MALL: variants seen among roughly 807,000 people sequenced by gnomAD.
MALL encodes mal, T cell differentiation protein like, also known as MAL-like protein.
In MALL, 2 loss-of-function variants were observed where a neutral mutation model predicts 10.3. The observed-to-expected ratio is 0.19, with a 90% CI of 0.08 to 0.61. MALL has a LOEUF of 0.61. Among genes scored for constraint, MALL ranks in the 20% least tolerant of loss-of-function variants. The pLI is 0.88. For synonymous variants in MALL, 27 were observed against 51.8 expected (o/e 0.52, Z 2.05); for missense variants, 39 against 115.2 (o/e 0.34, Z 3.03).
intron 1 of MALL, among the ~76,000 whole-genome samples, chr2:110,108,193 A>T (rs1678733305): frequency 6.6e-6 from 1 of 152,188 alleles, no homozygotes; most frequent in Non-Finnish European, 1.5e-5. Flanking sequence ...GAAATCCCTG[A>T]TTCACCTGAA....
rs113150433 is a variant in MALL at position 110,100,477 on chromosome 2, C to G, written c.106-8707G>C. ...GACAGAGCAAGACTCTGTCCCCCAC[C>G]CTAAAAAAAAAAAACTTAAGCAGAC... On this transcript the variant is annotated intron_variant, in intron 1 of 3. Coordinates refer to ENST00000272462, the MANE Select transcript of MALL (RefSeq NM_005434.5). 3.1e-4 allele frequency among the ~76,000 whole-genome samples: 47 copies of G among 150,732 alleles called. No homozygotes were observed. In the East Asian group the frequency reaches 7.8e-3, roughly 25 times the overall value.
At chr2:110,098,869 G>T (rs1162361503) in intron 1 of MALL, among the ~76,000 whole-genome samples, 1 of 152,098 alleles carries the variant, frequency 6.6e-6, no homozygotes, top group African/African-American at 2.4e-5. Flanking sequence ...AGACACGGTG[G>T]CACATGCCTG....
chr2:110,095,828 A>T (rs1416246701), intron 1 of MALL, among the ~76,000 whole-genome samples: 3 of 152,048 alleles, frequency 2.0e-5, no homozygotes, highest in Non-Finnish European at 4.4e-5. Context: ...TAGTGAGAAA[A>T]TTTCCAAAGG....
At chr2:110,114,380 G>A (rs1678865689) in intron 1 of MALL, among the ~76,000 whole-genome samples, 1 of 151,988 alleles carries the variant, frequency 6.6e-6, no homozygotes, top group South Asian at 2.1e-4. Context: ...GGGGCTTGCA[G>A]GACTGACATG....
intron 1 of MALL, among the ~76,000 whole-genome samples, chr2:110,103,706 A>C (rs1166576633): frequency 6.6e-6 from 1 of 152,178 alleles, no homozygotes; most frequent in Non-Finnish European, 1.5e-5. Flanking sequence ...GCAGCCGTCA[A>C]GTCTGTGGAC....
chr2:110,115,535 TC>T (rs3217463), intron 1 of MALL, among the ~76,000 whole-genome samples, 152 bp downstream of exon 1: 58 of 80,050 alleles, frequency 7.2e-4, no homozygotes, highest in African/African-American at 1.6e-3. Flanking sequence ...GAGGCCGGTC[TC>T]CCCCCCCCTC....
chr2:110,115,841 C>T (rs773562784), upstream of MALL: 306 of 864,126 alleles, frequency 3.5e-4, 1 homozygote, highest in Non-Finnish European at 4.5e-4. Flanking sequence ...CGCGCGCAGC[C>T]TGTCAAATAT....
intron 1 of MALL, among the ~76,000 whole-genome samples, chr2:110,115,434 G>A (rs1382597520): frequency 6.7e-6 from 1 of 149,688 alleles, no homozygotes; most frequent in Non-Finnish European, 1.5e-5. Flanking sequence ...CTGTGCGCCC[G>A]GTGGGAGGCT....
At chr2:110,101,408 GA>G in intron 1 of MALL, among the ~76,000 whole-genome samples, 1 of 152,236 alleles carries the variant, frequency 6.6e-6, no homozygotes, top group Non-Finnish European at 1.5e-5. Flanking sequence ...AGGCTAGCAG[GA>G]AATTGCCAGC....
intron 1 of MALL, among the ~76,000 whole-genome samples, chr2:110,111,294 C>T (rs995608114): frequency 1.2e-4 from 19 of 152,058 alleles, no homozygotes; most frequent in Admixed American, 3.9e-4. Flanking sequence ...TGTTTGCTGA[C>T]GATATGATCG....
At chr2:110,096,227 C>T (rs1019152500) in intron 1 of MALL, among the ~76,000 whole-genome samples, 1 of 152,046 alleles carries the variant, frequency 6.6e-6, no homozygotes, top group African/African-American at 2.4e-5. Flanking sequence ...TGCGTTGTTC[C>T]CCAGGTGGGG....
intron 1 of MALL, among the ~76,000 whole-genome samples, chr2:110,101,844 A>T (rs905213823): frequency 6.6e-6 from 1 of 152,088 alleles, no homozygotes; most frequent in African/African-American, 2.4e-5. Flanking sequence ...TTAAAAAAAA[A>T]GGAAGAGGAC....
At chr2:110,107,239 A>G (rs1360276047) in intron 1 of MALL, among the ~76,000 whole-genome samples, 1 of 152,098 alleles carries the variant, frequency 6.6e-6, no homozygotes, top group Admixed American at 6.5e-5. Flanking sequence ...ATACTGTACT[A>G]CTGTTAGGAA....
chr2:110,105,227 G>A (rs988088034), intron 1 of MALL, among the ~76,000 whole-genome samples: 1 of 152,218 alleles, frequency 6.6e-6, no homozygotes, highest in Non-Finnish European at 1.5e-5. Context: ...AATACACAGT[G>A]CCCTCCCAGA....
chr2:110,112,028 A>C (rs1403345981), intron 1 of MALL, among the ~76,000 whole-genome samples: 1 of 152,192 alleles, frequency 6.6e-6, no homozygotes, highest in Admixed American at 6.5e-5. Flanking sequence ...TTGGCTACCC[A>C]CATGTAGGGG....
intron 1 of MALL, among the ~76,000 whole-genome samples, chr2:110,107,679 C>A (rs375198852): frequency 3.3e-5 from 5 of 152,204 alleles, no homozygotes; most frequent in African/African-American, 1.2e-4. Flanking sequence ...CCTCTCCATA[C>A]TACTACAGCT....
At chr2:110,107,025 T>C (rs996141353) in intron 1 of MALL, among the ~76,000 whole-genome samples, 1 of 144,554 alleles carries the variant, frequency 6.9e-6, no homozygotes, top group African/African-American at 2.6e-5. Flanking sequence ...AACAAAATTG[T>C]AGGAATGAAA....
At chr2:110,096,459 T>C (rs1678442194) in intron 1 of MALL, among the ~76,000 whole-genome samples, 1 of 152,074 alleles carries the variant, frequency 6.6e-6, no homozygotes, top group Non-Finnish European at 1.5e-5. Flanking sequence ...TTGGTGAGTC[T>C]GCTGGCACAT....
intron 1 of MALL, chr2:110,097,485 G>A: frequency 2.2e-6 from 1 of 456,674 alleles, no homozygotes; most frequent in Non-Finnish European, 4.4e-6. Flanking sequence ...TTTGGGTAGA[G>A]TGGATCTGCT....
Sources: gnomAD v4.1 joint callset for allele counts (sites outside exome capture counted in the v4.1 genomes callset) on GRCh38, gnomAD v4.1.1 for gene constraint, MANE v1.5 for transcripts, NCBI Gene and HGNC (gene_info 2026-07-23, HGNC 2026-07-21) for gene names.